SDK1: variants seen among roughly 807,000 people sequenced by gnomAD.
SDK1 encodes the protein protein sidekick-1.
A neutral mutation model predicts 245.5 loss-of-function variants in SDK1; 157 were observed. That is an observed-to-expected ratio of 0.64 (90% CI 0.56 to 0.73). The LOEUF (loss-of-function observed/expected upper bound fraction) is 0.73. Ranked by LOEUF, SDK1 falls within the 30% of genes least tolerant of loss-of-function variation. The pLI is 0.00. For missense variants in SDK1, 3,583 were observed against 3,002.3 expected (o/e 1.19, Z -4.52); for synonymous variants, 1,647 against 1,278.5 (o/e 1.29, Z -6.15).
rs377035432 is a variant in SDK1 at position 3,737,622 on chromosome 7, C to G, written c.714-83828C>G. On this transcript the variant is annotated intron_variant, in intron 4 of 44. Transcript: ENST00000404826. ...TGCGCCTTCTGGTCAGGCAACTCCA[C>G]TGGCAGGGATTTGGTGCCACCACTG... is the stretch of plus-strand genomic sequence containing the variant. Among the ~76,000 whole-genome samples the G allele has an allele frequency of 3.2e-4, 48 of 152,332 alleles. No homozygotes were observed. The East Asian group carries it at 6.7e-3, about 21-fold the overall frequency.
chr7:3,480,287 G>A (rs1781474915), intron 1 of SDK1, among the ~76,000 whole-genome samples: 1 of 152,218 alleles, frequency 6.6e-6, no homozygotes, highest in South Asian at 2.1e-4. Flanking sequence ...TCAACACAGA[G>A]TGGCTCATGT....
intron 20 of SDK1, among the ~76,000 whole-genome samples, chr7:4,068,905 A>C (rs192448816): frequency 4.7e-4 from 71 of 151,842 alleles, no homozygotes; most frequent in African/African-American, 1.6e-3. Context: ...TATTTTTAGT[A>C]GAAATGGGGT....
At chr7:3,874,095 A>G (rs182074823) in intron 5 of SDK1, among the ~76,000 whole-genome samples, 28 of 152,292 alleles carry the variant, frequency 1.8e-4, no homozygotes, top group Non-Finnish European at 1.0e-4. Flanking sequence ...GGAGATGAGC[A>G]TGCTTTTCTT....
chr7:3,664,043 T>A (rs55728600), intron 4 of SDK1, among the ~76,000 whole-genome samples: 43,236 of 151,854 alleles, frequency 0.28, 6,350 homozygotes, highest in South Asian at 0.45. Flanking sequence ...TTCACTCTAG[T>A]TTATTTTCCC....
intron 4 of SDK1, among the ~76,000 whole-genome samples, chr7:3,716,249 A>C (rs1232463225): frequency 1.3e-5 from 2 of 152,110 alleles, no homozygotes; most frequent in African/African-American, 4.8e-5. Flanking sequence ...TAATAGGTGA[A>C]AGCTTTCTAA....
chr7:4,077,738 G>T (rs1780787945), intron 21 of SDK1, among the ~76,000 whole-genome samples: 1 of 152,164 alleles, frequency 6.6e-6, no homozygotes, highest in South Asian at 2.1e-4. Context: ...GATCTTGTGA[G>T]ACTTATTCAC....
At position 3,528,444 on chromosome 7, in the gene SDK1, A is replaced by C. The variant is rs138242211; in HGVS notation, c.299-90636A>C. Among the ~76,000 whole-genome samples the C allele has an allele frequency of 3.9e-5, 6 of 152,038 alleles. No homozygotes were observed. The East Asian group carries it at 1.2e-3, about 29-fold the overall frequency. ...GATCCAGGATCCTAAGGTGTGAGAA[A>C]GTGCTTAGATTTTATTGATTTTCTT... is the stretch of plus-strand genomic sequence containing the variant. On this transcript the variant is annotated intron_variant, in intron 1 of 44. Transcript: ENST00000404826.
chr7:4,126,211 C>G (rs1010663266), intron 25 of SDK1, among the ~76,000 whole-genome samples: 12 of 152,216 alleles, frequency 7.9e-5, no homozygotes, highest in African/African-American at 2.9e-4. Flanking sequence ...GGGGCTAGCT[C>G]AGGTCCAGGT....
intron 1 of SDK1, among the ~76,000 whole-genome samples, chr7:3,414,670 A>G (rs1779311754): frequency 1.3e-5 from 2 of 152,216 alleles, no homozygotes; most frequent in African/African-American, 2.4e-5. Context: ...TTGTTCAACC[A>G]TCACCACTAT....
At chr7:3,449,176 G>A (rs1246589351) in intron 1 of SDK1, among the ~76,000 whole-genome samples, 1 of 152,186 alleles carries the variant, frequency 6.6e-6, no homozygotes, top group African/African-American at 2.4e-5. Context: ...AAGTAAAGCT[G>A]TGTGTCACGT....
intron 35 of SDK1, among the ~76,000 whole-genome samples, chr7:4,193,232 G>T (rs1436130404): frequency 3.3e-5 from 4 of 122,202 alleles, no homozygotes; most frequent in African/African-American, 1.3e-4. Context: ...TATATTAATT[G>T]TATAAATATA....
intron 35 of SDK1, among the ~76,000 whole-genome samples, chr7:4,202,309 AAGGGCTGGTCCCACCAGT>A (rs1272945309): frequency 5.3e-5 from 8 of 152,220 alleles, no homozygotes; most frequent in Non-Finnish European, 1.0e-4. Context: ...AACAACCTCC[AAGGGCTGGTCCCACCAGT>A]AGTGCTGGTC....
At chr7:3,494,070 G>A (rs940873996) in intron 1 of SDK1, among the ~76,000 whole-genome samples, 2 of 152,036 alleles carry the variant, frequency 1.3e-5, no homozygotes, top group African/African-American at 2.4e-5. Context: ...GGTAAACTCT[G>A]ATCTCATTTA....
chr7:3,539,959 C>T (rs1025693505), intron 1 of SDK1, among the ~76,000 whole-genome samples: 3 of 152,144 alleles, frequency 2.0e-5, no homozygotes, highest in African/African-American at 7.2e-5. Flanking sequence ...GACATACCTC[C>T]TAATTTTTTT....
At chr7:3,745,679 CCT>C (rs1176546398) in intron 4 of SDK1, among the ~76,000 whole-genome samples, 1 of 152,120 alleles carries the variant, frequency 6.6e-6, no homozygotes. Flanking sequence ...ATAAAACTCC[CCT>C]GTTGCACCCC....
At chr7:3,886,868 A>G (rs1233844198) in intron 5 of SDK1, among the ~76,000 whole-genome samples, 1 of 152,184 alleles carries the variant, frequency 6.6e-6, no homozygotes, top group Non-Finnish European at 1.5e-5. Context: ...GTGAGCTGTA[A>G]TCACACTACT....
chr7:3,492,755 A>T (rs78278503), intron 1 of SDK1, among the ~76,000 whole-genome samples: 2 of 152,088 alleles, frequency 1.3e-5, no homozygotes, highest in East Asian at 3.9e-4. Context: ...ACAAAGTCCC[A>T]CCTCATTGGC....
chr7:3,551,979 G>A (rs1457433054), intron 1 of SDK1, among the ~76,000 whole-genome samples: 2 of 152,038 alleles, frequency 1.3e-5, no homozygotes, highest in African/African-American at 4.8e-5. Context: ...ACTATGGCCT[G>A]GGTCGTTCGG....
chr7:3,442,422 A>C (rs1174212135), intron 1 of SDK1, among the ~76,000 whole-genome samples: 1 of 152,190 alleles, frequency 6.6e-6, no homozygotes, highest in African/African-American at 2.4e-5. Flanking sequence ...GGTCATTGCA[A>C]ATTAACCCTT....
Sources: gnomAD v4.1 joint callset for allele counts (sites outside exome capture counted in the v4.1 genomes callset) on GRCh38, gnomAD v4.1.1 for gene constraint, MANE v1.5 for transcripts, NCBI Gene and HGNC (gene_info 2026-07-23, HGNC 2026-07-21) for gene names.